RNLS: variants seen among roughly 807,000 people sequenced by gnomAD.
RNLS encodes renalase.
Under a neutral mutation model 39.8 loss-of-function variants are expected in RNLS, and 39 were observed. The ratio of observed to expected loss-of-function variants is 0.98; its 90% CI spans 0.76 to 1.28. RNLS has a LOEUF of 1.28. RNLS is among the 50% of genes most tolerant of loss of function. The pLI is 0.00. For synonymous variants in RNLS, 147 were observed against 150.7 expected (o/e 0.98, Z 0.18); for missense variants, 410 against 413.3 (o/e 0.99, Z 0.07).
intron 4 of RNLS, among the ~76,000 whole-genome samples, chr10:88,479,770 T>G (rs1844043418): frequency 6.7e-6 from 1 of 150,114 alleles, no homozygotes; most frequent in African/African-American, 2.4e-5. Context: ...GCCATTCTTC[T>G]CTGGACTTTC....
the RNLS span, among the ~76,000 whole-genome samples, chr10:88,210,782 T>C: frequency 2.0e-5 from 3 of 152,256 alleles, no homozygotes; most frequent in East Asian, 5.8e-4. Flanking sequence ...TTCTGCGTCC[T>C]AAATCAAAGA....
chr10:88,199,933 A>G, the RNLS span, among the ~76,000 whole-genome samples: 22 of 152,292 alleles, frequency 1.4e-4, no homozygotes, highest in African/African-American at 5.3e-4. Context: ...GTTTGAGACT[A>G]GCCTAAGCAA....
Position 88,285,260 on chromosome 10 carries a change from A to C in RNLS, c.*94T>G. ...ATAAGTGAAGAACAATTTTCCAGTA[A>C]TTTTTCTTAGCAAAATAGAAAACAA... On this transcript the variant is annotated 3_prime_UTR_variant, in exon 7 of 7. Transcript: ENST00000331772. 1 of 1,410,542 alleles carries C rather than the reference A, an allele frequency of 7.1e-7. No homozygotes were observed. Among genetic ancestry groups the C allele is most frequent in the Non-Finnish European group, 9.3e-7 (1 of 1,077,390 alleles). The allele number at this position is 1,410,542 out of a possible 1,614,324, so 87.4% of individuals were successfully genotyped here.
At chr10:88,252,430 G>A in the RNLS span, among the ~76,000 whole-genome samples, 2 of 152,166 alleles carry the variant, frequency 1.3e-5, no homozygotes, top group Admixed American at 6.6e-5. Context: ...ACACAGACAA[G>A]TACACTGTGC....
chr10:88,533,542 A>G (rs189880775), intron 4 of RNLS, among the ~76,000 whole-genome samples: 4 of 152,276 alleles, frequency 2.6e-5, no homozygotes. Flanking sequence ...GGAACCCCTC[A>G]AAGTTTATTT....
At chr10:88,293,722 T>TG (rs1843857438) in intron 6 of RNLS, among the ~76,000 whole-genome samples, 1 of 152,034 alleles carries the variant, frequency 6.6e-6, no homozygotes, top group Non-Finnish European at 1.5e-5. Context: ...ACCACTGCTC[T>TG]GGGGTAAGGC....
At chr10:88,184,384 A>G in the RNLS span, among the ~76,000 whole-genome samples, 1 of 152,134 alleles carries the variant, frequency 6.6e-6, no homozygotes, top group Non-Finnish European at 1.5e-5. Context: ...TGATCTTTCC[A>G]GTATCTTTCA....
At chr10:88,444,983 T>A (rs907671508) in intron 4 of RNLS, among the ~76,000 whole-genome samples, 1 of 151,902 alleles carries the variant, frequency 6.6e-6, no homozygotes, top group Non-Finnish European at 1.5e-5. Context: ...ATAAAGATAC[T>A]CCTCGAGAAG....
chr10:88,469,302 C>T (rs181508504), intron 4 of RNLS, among the ~76,000 whole-genome samples: 1 of 152,302 alleles, frequency 6.6e-6, no homozygotes, highest in Admixed American at 6.5e-5. Context: ...ATAGAGGTAT[C>T]TTATCCCCTT....
At chr10:88,184,251 A>G in the RNLS span, among the ~76,000 whole-genome samples, 1 of 152,112 alleles carries the variant, frequency 6.6e-6, no homozygotes, top group Non-Finnish European at 1.5e-5. Context: ...GCCTCATTCA[A>G]GTTCCAGCTT....
intron 4 of RNLS, among the ~76,000 whole-genome samples, chr10:88,479,282 G>A (rs1476989948): frequency 1.3e-5 from 2 of 152,090 alleles, no homozygotes; most frequent in Non-Finnish European, 2.9e-5. Flanking sequence ...ATGAAGCATC[G>A]TTACATAGAA....
rs565078706 is a variant in RNLS, at chr10:88,322,371, G to A, written c.701-7730C>T. 2.1e-4 allele frequency among the ~76,000 whole-genome samples: 32 copies of A among 152,200 alleles called. 2 individuals carry two copies. Among genetic ancestry groups the A allele is most frequent in the African/African-American group, 6.7e-4 (28 of 41,530 alleles). On this transcript the variant is annotated intron_variant, in intron 5 of 6. Transcript: ENST00000331772. Reference sequence around the variant, plus strand: ...TGAAAGCATTTCCCCGATATGGTTTGGGCTCTGTGTCCCCAACCAAATCTA... The same window carrying A: ...TGAAAGCATTTCCCCGATATGGTTTAGGCTCTGTGTCCCCAACCAAATCTA...
chr10:88,509,730 G>C (rs1033229490), intron 4 of RNLS, among the ~76,000 whole-genome samples: 7 of 151,956 alleles, frequency 4.6e-5, no homozygotes, highest in African/African-American at 1.7e-4. Flanking sequence ...AAAGGTGGGT[G>C]GGGGGAAGGG....
intron 4 of RNLS, among the ~76,000 whole-genome samples, chr10:88,453,481 T>C (rs574167982): frequency 3.3e-4 from 51 of 152,326 alleles, no homozygotes; most frequent in African/African-American, 1.2e-3. Flanking sequence ...TGTGATTGAA[T>C]GGCAGTTCAA....
At chr10:88,363,946 CTT>C (rs968840982) in intron 4 of RNLS, among the ~76,000 whole-genome samples, 1 of 152,052 alleles carries the variant, frequency 6.6e-6, no homozygotes, top group South Asian at 2.1e-4. Flanking sequence ...TAAATAGTAA[CTT>C]TTTCTACTAT....
chr10:88,564,467 G>C (rs1338164287), intron 4 of RNLS, among the ~76,000 whole-genome samples: 1 of 152,076 alleles, frequency 6.6e-6, no homozygotes, highest in Non-Finnish European at 1.5e-5. Flanking sequence ...ATAACTAGAA[G>C]TAAAACTAGG....
chr10:88,574,553 G>A (rs1197913197), intron 3 of RNLS, among the ~76,000 whole-genome samples: 4 of 152,122 alleles, frequency 2.6e-5, no homozygotes, highest in African/African-American at 4.8e-5. Context: ...GCTCCTTCAT[G>A]TCGGGTCTTC....
At chr10:88,441,386 A>G (rs1262411498) in intron 4 of RNLS, among the ~76,000 whole-genome samples, 2 of 152,184 alleles carry the variant, frequency 1.3e-5, no homozygotes, top group African/African-American at 4.8e-5. Flanking sequence ...ATGATTAAAG[A>G]ATGAGAGGAA....
intron 4 of RNLS, among the ~76,000 whole-genome samples, chr10:88,370,264 A>G (rs1850446244): frequency 6.6e-6 from 1 of 152,136 alleles, no homozygotes; most frequent in Non-Finnish European, 1.5e-5. Context: ...TCTTCACATT[A>G]TACTGACTTT....
Sources: allele counts gnomAD v4.1 joint callset (sites outside exome capture counted in the v4.1 genomes callset), GRCh38; gene constraint gnomAD v4.1.1; transcripts MANE v1.5; gene names NCBI Gene and HGNC (gene_info 2026-07-23, HGNC 2026-07-21).